Variants in ABCC11 observed in about 807,000 individuals in gnomAD.
ABCC11 encodes the protein ATP-binding cassette sub-family C member 11.
ABCC11 carries 135 observed loss-of-function variants against 149.3 expected under a neutral mutation model. The ratio of observed to expected loss-of-function variants is 0.90; its 90% CI spans 0.79 to 1.04. ABCC11 has a LOEUF of 1.04. Ranked by LOEUF, ABCC11 falls within the 50% of genes least tolerant of loss-of-function variation. The pLI is 0.00. For synonymous variants in ABCC11, 665 were observed against 671.4 expected (o/e 0.99, Z 0.15); for missense variants, 1,680 against 1,722.1 (o/e 0.98, Z 0.43).
chr16:48,212,338 A>C (rs1356652741), intron 10 of ABCC11, among the ~76,000 whole-genome samples: 1 of 152,150 alleles, frequency 6.6e-6, no homozygotes, highest in African/African-American at 2.4e-5. Context: ...AGGCGTGTCC[A>C]ATCCCTTGGC....
intron 10 of ABCC11, among the ~76,000 whole-genome samples, chr16:48,211,661 T>C (rs193225702): frequency 1.3e-4 from 19 of 151,960 alleles, no homozygotes; most frequent in Admixed American, 5.2e-4. Flanking sequence ...CTGGGGACCA[T>C]AGTGAGACTT....
rs1970180991 is a variant in ABCC11, at chr16:48,227,936, C to T, written c.265G>A (p.Ala89Thr). 1.9e-6 allele frequency: 3 copies of T among 1,613,830 alleles called. No individual in the cohort carries two copies. Among genetic ancestry groups the T allele is most frequent in the Non-Finnish European group, 2.5e-6 (3 of 1,179,922 alleles). ...RFPAPQPLDN[A>T]GLFSYLTVSW... ...ACGGTGAGGTAGGAGAACAGGCCAG[C>T]ATTGTCCAGGGGCTGGGGGGCAGGA... Residue 89 changes from alanine to threonine, a missense_variant, in exon 4 of 30, where the codon GCT (alanine) becomes ACT (threonine). Ala to Thr is a moderately conservative substitution (Grantham distance 58). Coordinates refer to ENST00000356608, the MANE Select transcript of ABCC11 (RefSeq NM_001370497.1).
chr16:48,170,845 G>A (rs749930476), intron 27 of ABCC11, 44 bp downstream of exon 27: 40 of 1,559,060 alleles, frequency 2.6e-5, no homozygotes, highest in Admixed American at 6.7e-5. Context: ...CCCCCCATGG[G>A]CGATGCAGAC....
At chr16:48,227,354 A>G (rs1156324419) in intron 4 of ABCC11, among the ~76,000 whole-genome samples, 3 of 151,836 alleles carry the variant, frequency 2.0e-5, no homozygotes, top group Non-Finnish European at 4.4e-5. Flanking sequence ...AGCGCCTGTA[A>G]TTCCAGCTAC....
intron 12 of ABCC11, among the ~76,000 whole-genome samples, chr16:48,206,391 G>A (rs1266601044): frequency 6.6e-6 from 1 of 152,172 alleles, no homozygotes; most frequent in African/African-American, 2.4e-5. Context: ...GCTGCATCTA[G>A]ATGGTGGGTA....
rs1046827851 is a variant in ABCC11 at position 48,166,962 on chromosome 16, T to G, written c.*312A>C. Reference sequence around the variant, plus strand: ...AAAGTCAGTACAGCATTTGCAACACTTCTAACACAGATCAGAAAACTATAA... The same window carrying G: ...AAAGTCAGTACAGCATTTGCAACACGTCTAACACAGATCAGAAAACTATAA... On this transcript the variant is annotated 3_prime_UTR_variant, in exon 30 of 30. Coordinates refer to ENST00000356608, the MANE Select transcript of ABCC11 (RefSeq NM_001370497.1). The G allele has an allele frequency of 3.0e-6, 1 of 333,050 alleles. No homozygotes were observed. The highest frequency in any genetic ancestry group is 5.6e-6 in the Non-Finnish European group (1 of 178,198). 20.6% of individuals were successfully genotyped at this position (333,050 alleles called of 1,614,324 possible). A position where few individuals can be genotyped will look rare whatever the true frequency, so the allele number is the denominator to read the frequency against.
downstream of ABCC11, among the ~76,000 whole-genome samples, chr16:48,165,531 A>T (rs1389406343): frequency 6.6e-6 from 1 of 152,070 alleles, no homozygotes; most frequent in Admixed American, 6.5e-5. Context: ...CTTGGAGTAA[A>T]TGTTTGTTCA....
chr16:48,223,214 C>A (rs1237263926), intron 5 of ABCC11, among the ~76,000 whole-genome samples: 1 of 152,220 alleles, frequency 6.6e-6, no homozygotes, highest in Admixed American at 6.5e-5. Context: ...ACTTAAGGGG[C>A]AAGAGCAGGA....
At chr16:48,222,242 CT>C (rs895181865) in intron 6 of ABCC11, among the ~76,000 whole-genome samples, 1 of 151,768 alleles carries the variant, frequency 6.6e-6, no homozygotes, top group Non-Finnish European at 1.5e-5. Flanking sequence ...TTTGTTTTTG[CT>C]TTGTTTTGTT....
At chr16:48,207,518 T>C (rs2150845959) in intron 12 of ABCC11, among the ~76,000 whole-genome samples, 1 of 152,090 alleles carries the variant, frequency 6.6e-6, no homozygotes, top group African/African-American at 2.4e-5. Flanking sequence ...AATACAAAAA[T>C]TAGCTGGGCA....
chr16:48,222,912 G>A (rs1969842757), intron 5 of ABCC11, 81 bp from the exon 6 acceptor site: 1 of 1,218,162 alleles, frequency 8.2e-7, no homozygotes, highest in Non-Finnish European at 1.2e-6. Flanking sequence ...GAAGGGTTGG[G>A]AGGTCTGATT....
In ABCC11 at chr16:48,211,107, C is replaced by T. The variant is rs1434351165; in HGVS notation, c.1449G>A (p.Trp483Ter). ...TGACGATCCCGGGACAGGTCTGTTG[C>T]CATGACAAGGTGGCCTCCTCAAAGA... ...ALVFEEATLS[W>*]QQTCPGIVNG... Residue 483 changes from tryptophan (W) to a stop codon, truncating the protein, a stop_gained, in exon 11 of 30, where the codon TGG (tryptophan) becomes TGA (stop). Transcript: ENST00000356608. LOFTEE classifies it high-confidence loss of function. 3 of 1,614,186 alleles carry T rather than the reference C, an allele frequency of 1.9e-6. No homozygotes were observed. The Admixed American group carries it at 5.0e-5, about 27-fold the overall frequency.
At chr16:48,178,743 T>A in intron 23 of ABCC11, 57 bp from the exon 24 acceptor site, 1 of 1,459,078 alleles carries the variant, frequency 6.9e-7, no homozygotes, top group Non-Finnish European at 9.6e-7. Flanking sequence ...GCTCAGGCTC[T>A]TCAACGCTCC....
rs112324978 is a variant in ABCC11 at position 48,245,600 on chromosome 16, C to T, written c.-19+1714G>A. ...AGCATTGAAAGTCCTATGTTTTAGC[C>T]CCTCCGTCCCAGGGAAACCAGGAGG... On this transcript the variant is annotated intron_variant, in intron 1 of 29. Coordinates refer to ENST00000356608, the MANE Select transcript of ABCC11 (RefSeq NM_001370497.1). Among the ~76,000 whole-genome samples the T allele has an allele frequency of 8.5e-3, 1,291 of 152,164 alleles. 15 individuals carry two copies. Among genetic ancestry groups the T allele is most frequent in the African/African-American group, 0.029 (1,193 of 41,482 alleles).
intron 26 of ABCC11, among the ~76,000 whole-genome samples, chr16:48,171,574 T>C (rs901403636): frequency 6.6e-6 from 1 of 152,384 alleles, no homozygotes; most frequent in African/African-American, 2.4e-5. Context: ...AAGTACATAA[T>C]ATTTATCATT....
intron 17 of ABCC11, 62 bp downstream of exon 17, chr16:48,197,909 G>A (rs1967584028): frequency 1.3e-6 from 2 of 1,555,928 alleles, no homozygotes; most frequent in African/African-American, 2.7e-5. Context: ...AGGAAACACT[G>A]GGACCTCTGG....
intron 3 of ABCC11, among the ~76,000 whole-genome samples, chr16:48,228,198 T>C (rs903925273): frequency 1.1e-4 from 16 of 151,502 alleles, no homozygotes; most frequent in Admixed American, 5.9e-4. Flanking sequence ...GCAAATGCAA[T>C]GTAGATGTTT....
rs557978432 is a variant in ABCC11 at position 48,178,687 on chromosome 16, C to A, written c.3259-1G>T. 76 of 1,614,024 alleles carry A rather than the reference C, an allele frequency of 4.7e-5. No homozygotes were observed. The highest frequency in any genetic ancestry group is 6.7e-5 in the Admixed American group (4 of 60,002). ...CAGTGGCCTGGAAGCTGGACGCCAG[C>A]TAGAAGGAAGGAGAAGTATCGGGGG... On this transcript the variant is annotated splice_acceptor_variant, in intron 23 of 29. Transcript: ENST00000356608. LOFTEE classifies it high-confidence loss of function.
chr16:48,221,975 G>A (rs973718496), intron 6 of ABCC11, among the ~76,000 whole-genome samples: 3 of 150,478 alleles, frequency 2.0e-5, no homozygotes, highest in African/African-American at 7.4e-5. Flanking sequence ...GTGCAGTGGC[G>A]TGATCATGGC....
Sources: allele counts gnomAD v4.1 joint callset (sites outside exome capture counted in the v4.1 genomes callset), GRCh38; gene constraint gnomAD v4.1.1; transcripts MANE v1.5; gene names NCBI Gene and HGNC (gene_info 2026-07-23, HGNC 2026-07-21).